Variants in MS4A4E observed in about 807,000 individuals in gnomAD.
MS4A4E encodes putative membrane-spanning 4-domains subfamily A member 4E.
A neutral mutation model predicts 13.3 loss-of-function variants in MS4A4E; 23 were observed. The ratio of observed to expected loss-of-function variants is 1.73; its 90% CI spans 1.25 to 2.45. The LOEUF (loss-of-function observed/expected upper bound fraction) is 2.45, where lower values mean the gene tolerates loss of function less well. Among genes scored for constraint, MS4A4E ranks in the 30% most tolerant of loss-of-function variants. The pLI, the probability that MS4A4E is intolerant of heterozygous loss-of-function variation, is 0.00. For missense variants in MS4A4E, 144 were observed against 131.2 expected, an observed-to-expected ratio of 1.10 and a Z score of -0.48; for synonymous variants, 36 against 45.6, an observed-to-expected ratio of 0.79 and a Z score of 0.85.
chr11:60,224,834 G>T, intron 3 of MS4A4E: 3 of 694,620 alleles, frequency 4.3e-6, no homozygotes, highest in Non-Finnish European at 6.2e-6. Flanking sequence ...AGAAAATTGA[G>T]TTTAAAAAGG....
At chr11:60,213,630 G>A (rs1412328194) in intron 4 of MS4A4E, among the ~76,000 whole-genome samples, 6 of 152,044 alleles carry the variant, frequency 3.9e-5, no homozygotes, top group Admixed American at 3.3e-4. Flanking sequence ...TGCAGGTCCC[G>A]GCAGACACTA....
intron 1 of MS4A4E, among the ~76,000 whole-genome samples, chr11:60,231,827 A>G (rs770505693): frequency 3.9e-5 from 6 of 152,206 alleles, no homozygotes; most frequent in Non-Finnish European, 5.9e-5. Flanking sequence ...ATTGGATTCC[A>G]TAAAGAAGGA....
intron 3 of MS4A4E, among the ~76,000 whole-genome samples, chr11:60,219,554 CAG>C (rs564575091): frequency 5.1e-4 from 78 of 152,294 alleles, no homozygotes; most frequent in African/African-American, 1.9e-3. Flanking sequence ...ATTATAAAAA[CAG>C]AGAATCGCAG....
chr11:60,213,708 T>C (rs919178785), intron 4 of MS4A4E, among the ~76,000 whole-genome samples: 5 of 152,190 alleles, frequency 3.3e-5, no homozygotes, highest in African/African-American at 7.2e-5. Context: ...TATTTATCTT[T>C]TGAACAAAGA....
intron 4 of MS4A4E, 115 bp downstream of exon 4, chr11:60,214,456 C>T (rs539853800): frequency 1.0e-5 from 6 of 587,432 alleles, no homozygotes; most frequent in Non-Finnish European, 1.4e-5. Context: ...AAGTAAAATG[C>T]ATAGTTGCTC....
chr11:60,220,686 T>C (rs1453422697), intron 3 of MS4A4E, among the ~76,000 whole-genome samples: 1 of 152,222 alleles, frequency 6.6e-6, no homozygotes, highest in African/African-American at 2.4e-5. Flanking sequence ...AGGGACCTTC[T>C]ACCTCAGTAA....
At chr11:60,226,271 C>T (rs1442586623) in intron 3 of MS4A4E, among the ~76,000 whole-genome samples, 2 of 151,878 alleles carry the variant, frequency 1.3e-5, no homozygotes, top group African/African-American at 4.8e-5. Flanking sequence ...GAAATACTCC[C>T]TAACTCATTC....
At chr11:60,225,743 C>T (rs2084332905) in intron 3 of MS4A4E, among the ~76,000 whole-genome samples, 1 of 150,876 alleles carries the variant, frequency 6.6e-6, no homozygotes, top group African/African-American at 2.4e-5. Flanking sequence ...CCTTAAGAAA[C>T]TGGAAAAAGA....
In MS4A4E at chr11:60,230,378, T is replaced by C. The variant is rs11230204; in HGVS notation, c.-16-307A>G. Among the ~76,000 whole-genome samples the C allele has an allele frequency of 5.2e-3, 786 of 152,350 alleles. 6 individuals carry two copies. The highest frequency in any genetic ancestry group is 0.017 in the African/African-American group (698 of 41,578). On this transcript the variant is annotated intron_variant, in intron 1 of 8. Transcript: ENST00000651255. The stretch of plus-strand genomic sequence containing the variant: ...CCCAAGTCTGCTCAGATTTTATTTC[T>C]ATCCCTTTTAATGCCTAGTCTCTTG...
rs115734973 is a variant in MS4A4E, at chr11:60,228,700, A to C, written c.145-73T>G. On this transcript the variant is annotated intron_variant, in intron 2 of 8. Coordinates refer to ENST00000651255, the MANE Select transcript of MS4A4E (RefSeq NM_001393391.1). ...GGAAGCCATCAAGATGTCCTTCTGT[A>C]GGTGAATGCATAAATAAACTGTGGT... 2.5e-4 allele frequency: 172 copies of C among 677,234 alleles called. No individual in the cohort carries two copies. The African/African-American group carries it at 2.6e-3, about 10-fold the overall frequency. 42.0% of individuals were successfully genotyped at this position (677,234 alleles called of 1,614,324 possible). A position where few individuals can be genotyped will look rare whatever the true frequency, so the allele number is the denominator to read the frequency against.
At chr11:60,206,500 C>CACATATATATATAT (rs369465441) in intron 6 of MS4A4E, among the ~76,000 whole-genome samples, 1 of 103,812 alleles carries the variant, frequency 9.6e-6, no homozygotes, top group African/African-American at 4.4e-5. Flanking sequence ...TATATATATA[C>CACATATATATATAT]GTATATATAT....
intron 8 of MS4A4E, among the ~76,000 whole-genome samples, chr11:60,204,509 A>G (rs1165641664): frequency 2.0e-5 from 3 of 152,220 alleles, no homozygotes; most frequent in Non-Finnish European, 4.4e-5. Flanking sequence ...AATTACTCTC[A>G]TCATTTTCAC....
chr11:60,219,347 G>T (rs1213517179), intron 3 of MS4A4E, among the ~76,000 whole-genome samples: 1 of 152,174 alleles, frequency 6.6e-6, no homozygotes, highest in African/African-American at 2.4e-5. Context: ...GCCATCAAAG[G>T]AAAGGTAGGC....
intron 1 of MS4A4E, among the ~76,000 whole-genome samples, chr11:60,240,350 C>A (rs1277564961): frequency 6.6e-6 from 1 of 152,212 alleles, no homozygotes; most frequent in Non-Finnish European, 1.5e-5. Context: ...CCCATCTCCT[C>A]GTGCCAAGCC....
intron 1 of MS4A4E, among the ~76,000 whole-genome samples, chr11:60,241,309 C>T (rs1166199931): frequency 6.6e-6 from 1 of 152,218 alleles, no homozygotes; most frequent in Admixed American, 6.5e-5. Flanking sequence ...CAGGCGTGAG[C>T]CACCGCACCC....
At chr11:60,216,759 T>C (rs1219273115) in intron 3 of MS4A4E, among the ~76,000 whole-genome samples, 1 of 152,052 alleles carries the variant, frequency 6.6e-6, no homozygotes, top group East Asian at 1.9e-4. Flanking sequence ...TGTGAGGGTG[T>C]TGACAAAGGA....
intron 5 of MS4A4E, among the ~76,000 whole-genome samples, chr11:60,209,719 A>G (rs2084095330): frequency 6.6e-6 from 1 of 152,198 alleles, no homozygotes; most frequent in African/African-American, 2.4e-5. Flanking sequence ...ATTGGGCAGT[A>G]CACTTATTTC....
intron 1 of MS4A4E, among the ~76,000 whole-genome samples, chr11:60,235,467 T>G (rs2084471010): frequency 1.3e-5 from 2 of 152,192 alleles, no homozygotes; most frequent in South Asian, 4.1e-4. Context: ...CACTTGCAGT[T>G]TCATAGCCTT....
intron 8 of MS4A4E, among the ~76,000 whole-genome samples, chr11:60,202,706 C>T (rs972791022): frequency 3.9e-5 from 6 of 152,222 alleles, no homozygotes; most frequent in Admixed American, 3.9e-4. Context: ...ATCCTTTCCA[C>T]CTGACTCCAG....
Sources: gnomAD v4.1 joint callset for allele counts (sites outside exome capture counted in the v4.1 genomes callset) on GRCh38, gnomAD v4.1.1 for gene constraint, MANE v1.5 for transcripts, NCBI Gene and HGNC (gene_info 2026-07-23, HGNC 2026-07-21) for gene names.